The following DCC variants were observed in gnomAD, a reference collection of about 807,000 sequenced individuals.
DCC encodes the protein DCC netrin 1 receptor, also known as netrin receptor DCC.
DCC carries 58 observed loss-of-function variants against 172.5 expected under a neutral mutation model. The observed-to-expected ratio is 0.34, with a 90% CI of 0.27 to 0.42. The LOEUF is 0.42. DCC is among the 10% of genes least tolerant of loss of function. The pLI, the probability that DCC is intolerant of heterozygous loss-of-function variation, is 1.00. For missense variants in DCC, 1,740 were observed against 1,791.0 expected (o/e 0.97, Z 0.51); for synonymous variants, 709 against 644.5 (o/e 1.10, Z -1.52).
intron 7 of DCC, among the ~76,000 whole-genome samples, chr18:53,093,271 T>A (rs918650876): frequency 1.3e-5 from 2 of 152,148 alleles, no homozygotes; most frequent in Non-Finnish European, 2.9e-5. Context: ...AGCGAGACTC[T>A]GTCTCAAAAA....
intron 24 of DCC, among the ~76,000 whole-genome samples, chr18:53,462,635 A>ACCCTGCC (rs1472336648): frequency 6.6e-6 from 1 of 152,006 alleles, no homozygotes; most frequent in Non-Finnish European, 1.5e-5. Context: ...CTGAAACCGT[A>ACCCTGCC]CCCTGCCCCC....
chr18:52,482,385 G>A (rs958789039), intron 1 of DCC, among the ~76,000 whole-genome samples: 1 of 152,174 alleles, frequency 6.6e-6, no homozygotes, highest in Non-Finnish European at 1.5e-5. Flanking sequence ...GTCTATTAAT[G>A]TCATAGTCTT....
At chr18:52,742,395 C>T (rs576276756) in intron 1 of DCC, among the ~76,000 whole-genome samples, 1 of 152,228 alleles carries the variant, frequency 6.6e-6, no homozygotes, top group African/African-American at 2.4e-5. Context: ...TCTTTATTGT[C>T]TGTTCCTTCC....
intron 1 of DCC, among the ~76,000 whole-genome samples, chr18:52,613,885 T>A (rs2034324651): frequency 6.6e-6 from 1 of 152,184 alleles, no homozygotes. Flanking sequence ...TATTTCCTCA[T>A]CATGCTGCTT....
At chr18:52,416,702 C>CT (rs1426000371) in intron 1 of DCC, among the ~76,000 whole-genome samples, 5 of 151,428 alleles carry the variant, frequency 3.3e-5, no homozygotes, top group Admixed American at 1.3e-4. Context: ...CAACCCCTGC[C>CT]TTTTTTTGTT....
At chr18:52,481,133 T>C (rs1028222561) in intron 1 of DCC, among the ~76,000 whole-genome samples, 2 of 152,330 alleles carry the variant, frequency 1.3e-5, no homozygotes, top group Admixed American at 6.5e-5. Flanking sequence ...TTATTGAGGT[T>C]TAAATATTTT....
intron 1 of DCC, among the ~76,000 whole-genome samples, chr18:52,737,118 C>A (rs1310483074): frequency 6.6e-6 from 1 of 152,078 alleles, no homozygotes; most frequent in Non-Finnish European, 1.5e-5. Context: ...AAATGGTGCT[C>A]AGGAGACCAT....
chr18:53,371,736 A>C (rs991952517), intron 15 of DCC, among the ~76,000 whole-genome samples: 4 of 152,032 alleles, frequency 2.6e-5, no homozygotes, highest in African/African-American at 9.6e-5. Flanking sequence ...AAAATATTAT[A>C]TCAACTATTT....
chr18:52,623,151 A>G (rs1403716624), intron 1 of DCC, among the ~76,000 whole-genome samples: 1 of 152,192 alleles, frequency 6.6e-6, no homozygotes, highest in Non-Finnish European at 1.5e-5. Context: ...GGCAGAGTTG[A>G]GTAGTTGCAA....
At chr18:53,507,347 T>TAAAC (rs752859502) in intron 27 of DCC, among the ~76,000 whole-genome samples, 2 of 152,214 alleles carry the variant, frequency 1.3e-5, no homozygotes, top group East Asian at 1.9e-4. Context: ...TCTGTCATAT[T>TAAAC]AAACAGTTTA....
intron 12 of DCC, among the ~76,000 whole-genome samples, chr18:53,230,104 C>T (rs2056099962): frequency 6.6e-6 from 1 of 152,052 alleles, no homozygotes; most frequent in Non-Finnish European, 1.5e-5. Context: ...GTTCCTCCAT[C>T]TTCATTGTTA....
chr18:52,990,714 G>A (rs1194983614), intron 5 of DCC, among the ~76,000 whole-genome samples: 1 of 151,988 alleles, frequency 6.6e-6, no homozygotes, highest in East Asian at 1.9e-4. Context: ...ATATTTTGAA[G>A]ATCACAACTG....
intron 1 of DCC, among the ~76,000 whole-genome samples, chr18:52,515,427 A>T (rs1488203790): frequency 6.6e-6 from 1 of 151,168 alleles, no homozygotes; most frequent in South Asian, 2.1e-4. Flanking sequence ...CTAACACGGT[A>T]AAACCCTGTC....
chr18:52,830,425 T>C (rs1273490906), intron 2 of DCC, among the ~76,000 whole-genome samples: 1 of 152,126 alleles, frequency 6.6e-6, no homozygotes, highest in East Asian at 1.9e-4. Flanking sequence ...TTAAGGTCCT[T>C]TTCACTCAGA....
chr18:53,322,784 C>T (rs2057427778), intron 14 of DCC, among the ~76,000 whole-genome samples: 1 of 151,298 alleles, frequency 6.6e-6, no homozygotes, highest in Admixed American at 6.6e-5. Context: ...AACATCATGA[C>T]TAAATTTTTA....
At chr18:53,266,374 T>A (rs1407042971) in intron 12 of DCC, among the ~76,000 whole-genome samples, 1 of 152,178 alleles carries the variant, frequency 6.6e-6, no homozygotes, top group South Asian at 2.1e-4. Flanking sequence ...TAATACATTT[T>A]TTTATTATTG....
chr18:52,712,710 A>G (rs1306301830), intron 1 of DCC, among the ~76,000 whole-genome samples: 1 of 152,200 alleles, frequency 6.6e-6, no homozygotes, highest in Non-Finnish European at 1.5e-5. Flanking sequence ...CTTAATTTTC[A>G]TTATCCAACA....
At position 53,336,571 on chromosome 18, in the gene DCC, G is replaced by C. The variant is rs140572069; in HGVS notation, c.2165-3142G>C. 1.2e-4 allele frequency among the ~76,000 whole-genome samples: 18 copies of C among 152,256 alleles called. No individual in the cohort carries two copies. In the East Asian group the frequency reaches 1.4e-3, roughly 11 times the overall value. Reference sequence around the variant, plus strand: ...AATTTGGTGATAAAGGGTCATTAAGGCTGGGCATGTAGACTCACATCGATA... The same window carrying C: ...AATTTGGTGATAAAGGGTCATTAAGCCTGGGCATGTAGACTCACATCGATA... On this transcript the variant is annotated intron_variant, in intron 14 of 28. Coordinates refer to ENST00000442544, the MANE Select transcript of DCC (RefSeq NM_005215.4).
At chr18:52,491,800 C>T (rs1000605505) in intron 1 of DCC, among the ~76,000 whole-genome samples, 1 of 151,938 alleles carries the variant, frequency 6.6e-6, no homozygotes, top group Admixed American at 6.6e-5. Flanking sequence ...TTGTTTACAA[C>T]GTTGATGTGT....
Sources: gnomAD v4.1 joint callset for allele counts (sites outside exome capture counted in the v4.1 genomes callset) on GRCh38, gnomAD v4.1.1 for gene constraint, MANE v1.5 for transcripts, NCBI Gene and HGNC (gene_info 2026-07-23, HGNC 2026-07-21) for gene names.